The following MAGI1 variants were observed in gnomAD, a reference collection of about 807,000 sequenced individuals.
MAGI1 encodes membrane-associated guanylate kinase, WW and PDZ domain-containing protein 1.
MAGI1 carries 58 observed loss-of-function variants against 139.9 expected under a neutral mutation model. That is an observed-to-expected ratio of 0.41 (90% CI 0.34 to 0.52). The LOEUF (loss-of-function observed/expected upper bound fraction) is 0.52. MAGI1 is among the 20% of genes least tolerant of loss of function. The probability of loss-of-function intolerance (pLI) is 0.12; values close to 1 mark genes in which losing one functional copy is unlikely to be tolerated. For synonymous variants in MAGI1, 812 were observed against 737.9 expected (o/e 1.10, Z -1.63); for missense variants, 1,874 against 1,901.6 (o/e 0.99, Z 0.27).
At chr3:65,597,933 G>GC in intron 2 of MAGI1, 1 of 450,006 alleles carries the variant, frequency 2.2e-6, no homozygotes, top group Non-Finnish European at 4.5e-6. Flanking sequence ...GGTGGGGGGG[G>GC]GGTGGGACCG....
chr3:65,788,051 G>A (rs1283188527), intron 1 of MAGI1, among the ~76,000 whole-genome samples: 1 of 152,128 alleles, frequency 6.6e-6, no homozygotes, highest in African/African-American at 2.4e-5. Flanking sequence ...ACTTTTACTA[G>A]ACCTTTCTAG....
At chr3:65,741,681 T>G (rs1223432658) in intron 1 of MAGI1, among the ~76,000 whole-genome samples, 1 of 152,204 alleles carries the variant, frequency 6.6e-6, no homozygotes, top group African/African-American at 2.4e-5. Context: ...AAACCATGCT[T>G]CTGTACTGGG....
At chr3:65,606,028 C>T (rs1299070339) in intron 2 of MAGI1, among the ~76,000 whole-genome samples, 1 of 145,952 alleles carries the variant, frequency 6.9e-6, no homozygotes, top group Non-Finnish European at 1.5e-5. Flanking sequence ...TTCTACTCAT[C>T]AGATACATGG....
At chr3:65,578,922 A>AG (rs1491092333) in intron 2 of MAGI1, among the ~76,000 whole-genome samples, 4 of 114,122 alleles carry the variant, frequency 3.5e-5, no homozygotes, top group African/African-American at 8.7e-5. Flanking sequence ...CTCTGTCTCC[A>AG]AAGAGAGAGA....
chr3:65,647,260 T>G (rs905627959), intron 1 of MAGI1, among the ~76,000 whole-genome samples: 3 of 152,162 alleles, frequency 2.0e-5, no homozygotes, highest in African/African-American at 7.2e-5. Context: ...ATTTGACAAC[T>G]GAGATGAAAT....
At chr3:65,434,995 T>G (rs942049702) in intron 10 of MAGI1, among the ~76,000 whole-genome samples, 24 of 152,144 alleles carry the variant, frequency 1.6e-4, no homozygotes, top group Non-Finnish European at 3.2e-4. Flanking sequence ...AACTAGTACT[T>G]TCTCTCTCTA....
At chr3:65,379,694 TGGATATAC>T in intron 16 of MAGI1, 140 bp from the exon 17 acceptor site, 1 of 1,372,014 alleles carries the variant, frequency 7.3e-7, no homozygotes, top group Non-Finnish European at 9.8e-7. Context: ...TCACAATACC[TGGATATAC>T]GGATTGAAAG....
At chr3:65,868,141 G>A (rs555661716) in intron 1 of MAGI1, among the ~76,000 whole-genome samples, 17 of 152,236 alleles carry the variant, frequency 1.1e-4, no homozygotes, top group African/African-American at 3.4e-4. Flanking sequence ...CCTCTCCTCT[G>A]GCCTAGGTTC....
intron 1 of MAGI1, among the ~76,000 whole-genome samples, chr3:65,623,140 G>C (rs1000714110): frequency 6.6e-6 from 1 of 152,132 alleles, no homozygotes; most frequent in African/African-American, 2.4e-5. Context: ...ACTTGAGCTG[G>C]GGATAAATAA....
intron 1 of MAGI1, among the ~76,000 whole-genome samples, chr3:65,893,394 C>A (rs564887723): frequency 6.6e-6 from 1 of 151,410 alleles, no homozygotes; most frequent in South Asian, 2.1e-4. Flanking sequence ...GAGAAAAGCA[C>A]AAAACAAAAT....
intron 1 of MAGI1, among the ~76,000 whole-genome samples, chr3:65,932,594 C>T (rs2062855416): frequency 6.6e-6 from 1 of 152,130 alleles, no homozygotes. Context: ...GGCATCGGCA[C>T]CTAATTGAAG....
rs146327425 is a variant in MAGI1, at chr3:65,732,959, C to T, written c.314-110871G>A. On this transcript the variant is annotated intron_variant, in intron 1 of 22. Transcript: ENST00000402939. ...GTGGCAAACTGGGGAATCTCCTGCC[C>T]CATTAATGGGGTAAGAATCTATTAA... Among the ~76,000 whole-genome samples the T allele has an allele frequency of 2.7e-3, 404 of 152,264 alleles. 1 individual carries two copies. The highest frequency in any genetic ancestry group is 9.3e-3 in the African/African-American group (387 of 41,538).
chr3:66,008,512 G>A (rs1002272528), intron 1 of MAGI1, among the ~76,000 whole-genome samples: 1 of 152,264 alleles, frequency 6.6e-6, no homozygotes, highest in East Asian at 1.9e-4. Flanking sequence ...GGCATTCTGG[G>A]GAACAGACAC....
chr3:65,940,778 A>G (rs1387394264), intron 1 of MAGI1, among the ~76,000 whole-genome samples: 1 of 152,216 alleles, frequency 6.6e-6, no homozygotes, highest in African/African-American at 2.4e-5. Flanking sequence ...CAGACTGCAC[A>G]ATCCAGAGGC....
chr3:65,890,207 A>G (rs2060689284), intron 1 of MAGI1, among the ~76,000 whole-genome samples: 1 of 152,142 alleles, frequency 6.6e-6, no homozygotes, highest in African/African-American at 2.4e-5. Flanking sequence ...TACTAAAAAT[A>G]CAAAAAAATT....
chr3:65,866,070 T>C (rs1449096052), intron 1 of MAGI1, among the ~76,000 whole-genome samples: 1 of 152,140 alleles, frequency 6.6e-6, no homozygotes, highest in Non-Finnish European at 1.5e-5. Flanking sequence ...AATGTAAACA[T>C]ATAATTTACA....
At chr3:65,802,520 G>A (rs183764886) in intron 1 of MAGI1, among the ~76,000 whole-genome samples, 1 of 152,088 alleles carries the variant, frequency 6.6e-6, no homozygotes, top group African/African-American at 2.4e-5. Context: ...TTACTTCAAG[G>A]CCCTCTAAAA....
intron 1 of MAGI1, among the ~76,000 whole-genome samples, chr3:65,844,689 G>A (rs7651487): frequency 0.019 from 2,941 of 152,224 alleles, 92 homozygotes; most frequent in African/African-American, 0.066. Context: ...TTCTCAAAGT[G>A]CAGCTTAAAA....
At chr3:65,405,572 T>C (rs781055758) in intron 12 of MAGI1, among the ~76,000 whole-genome samples, 1 of 151,614 alleles carries the variant, frequency 6.6e-6, no homozygotes, top group South Asian at 2.1e-4. Flanking sequence ...TATCCACAGA[T>C]ACCACAATAA....
Sources: allele counts gnomAD v4.1 joint callset (sites outside exome capture counted in the v4.1 genomes callset), GRCh38; gene constraint gnomAD v4.1.1; transcripts MANE v1.5; gene names NCBI Gene and HGNC (gene_info 2026-07-23, HGNC 2026-07-21).